CSMD2: variants seen among roughly 807,000 people sequenced by gnomAD.
CSMD2 encodes CUB and Sushi multiple domains 2, also known as CUB and sushi domain-containing protein 2.
CSMD2 carries 130 observed loss-of-function variants against 398.5 expected under a neutral mutation model. The observed-to-expected ratio is 0.33, with a 90% CI of 0.28 to 0.38. CSMD2 has a LOEUF of 0.38. CSMD2 is among the 10% of genes least tolerant of loss of function. The pLI is 1.00. For missense variants in CSMD2, 3,829 were observed against 4,764.9 expected (o/e 0.80, Z 5.78); for synonymous variants, 1,828 against 1,908.5 (o/e 0.96, Z 1.10).
In CSMD2 at chr1:33,743,396, C is replaced by T; in HGVS notation, c.2057G>A (p.Gly686Asp). The change falls in exon 14 of 71, where the codon GGC becomes GAC. Residue 686 changes from glycine (G) to aspartate (D), a missense_variant. Coordinates refer to ENST00000373381, the MANE Select transcript of CSMD2 (RefSeq NM_001281956.2). ...DGATAEAPVL[G>D]TFSGNQLPSS... is the part of the protein sequence containing the mutation. ...GGGAAGCTGGTTTCCTGAGAAGGTGCCCAGGACGGGCGCCTCGGCGGTGGC... is the reference window on the plus strand; with the variant it reads ...GGGAAGCTGGTTTCCTGAGAAGGTGTCCAGGACGGGCGCCTCGGCGGTGGC... 6.2e-7 allele frequency: 1 copy of T among 1,614,168 alleles called. No homozygotes were observed. Among genetic ancestry groups the T allele is most frequent in the Non-Finnish European group, 8.5e-7 (1 of 1,180,024 alleles).
Position 33,955,491 on chromosome 1 carries a change from G to A in CSMD2, c.518-19537C>T, listed in dbSNP as rs573952542. Among the ~76,000 whole-genome samples, 8 of 152,206 alleles carry A rather than the reference G, an allele frequency of 5.3e-5. No individual in the cohort carries two copies. The South Asian group carries it at 1.5e-3, about 28-fold the overall frequency. On this transcript the variant is annotated intron_variant, in intron 3 of 70. Transcript: ENST00000373381. Reference sequence around the variant, plus strand: ...CTTAATTAGTTTCCTCATTTAACCCGGGTCATTACTAGAAAGGCATTCAGG... The same window carrying A: ...CTTAATTAGTTTCCTCATTTAACCCAGGTCATTACTAGAAAGGCATTCAGG...
intron 68 of CSMD2, among the ~76,000 whole-genome samples, chr1:33,521,064 C>T (rs1159356385): frequency 6.6e-6 from 1 of 152,178 alleles, no homozygotes; most frequent in African/African-American, 2.4e-5. Context: ...TAGGGCTGGG[C>T]TAGGGCAGAA....
chr1:34,055,985 T>C (rs1399985621), intron 2 of CSMD2, among the ~76,000 whole-genome samples: 1 of 152,134 alleles, frequency 6.6e-6, no homozygotes, highest in Non-Finnish European at 1.5e-5. Flanking sequence ...ACTTTGGAGA[T>C]TCCAAGGATT....
rs554337966 is a variant in CSMD2 at position 33,791,750 on chromosome 1, A to T, written c.1550+673T>A. On this transcript the variant is annotated intron_variant, in intron 11 of 70. Transcript: ENST00000373381. Reference sequence around the variant, plus strand: ...CAATCCGTCTGCCTTGGCCTGCCAAAGTGCTGGGATTACATCAATACACCA... The same window carrying T: ...CAATCCGTCTGCCTTGGCCTGCCAATGTGCTGGGATTACATCAATACACCA... Among the ~76,000 whole-genome samples the T allele has an allele frequency of 2.6e-5, 4 of 152,304 alleles. No individual in the cohort carries two copies. In the East Asian group the frequency reaches 7.7e-4, roughly 29 times the overall value.
At chr1:33,994,880 A>T (rs993255230) in intron 3 of CSMD2, among the ~76,000 whole-genome samples, 5 of 152,058 alleles carry the variant, frequency 3.3e-5, no homozygotes, top group Admixed American at 1.3e-4. Context: ...CCTGGCCAAC[A>T]CAGTGAAACC....
At chr1:34,120,825 G>A (rs1025061979) in intron 1 of CSMD2, among the ~76,000 whole-genome samples, 5 of 152,134 alleles carry the variant, frequency 3.3e-5, no homozygotes, top group East Asian at 3.9e-4. Context: ...GATTACAGGC[G>A]TGAGGCACCA....
intron 2 of CSMD2, among the ~76,000 whole-genome samples, chr1:34,079,289 G>T (rs930767290): frequency 6.6e-6 from 1 of 152,002 alleles, no homozygotes; most frequent in African/African-American, 2.4e-5. Context: ...AGAAATAAGG[G>T]GTATCCCGAT....
At chr1:33,610,367 G>A (rs1454011477) in intron 41 of CSMD2, among the ~76,000 whole-genome samples, 1 of 152,138 alleles carries the variant, frequency 6.6e-6, no homozygotes, top group Non-Finnish European at 1.5e-5. Flanking sequence ...ATCCAAGGGC[G>A]AGGTTGGGCT....
chr1:33,965,453 A>G (rs528217993), intron 3 of CSMD2, among the ~76,000 whole-genome samples: 1 of 152,274 alleles, frequency 6.6e-6, no homozygotes, highest in African/African-American at 2.4e-5. Flanking sequence ...GACCCTCTCC[A>G]TACTTTCAAG....
At chr1:34,031,631 T>C (rs1487891786) in intron 3 of CSMD2, among the ~76,000 whole-genome samples, 2 of 151,986 alleles carry the variant, frequency 1.3e-5, no homozygotes, top group African/African-American at 2.4e-5. Context: ...GGTTTTTTGC[T>C]AAGGAGGCAG....
intron 1 of CSMD2, among the ~76,000 whole-genome samples, chr1:34,138,524 C>G (rs1638974763): frequency 6.6e-6 from 1 of 152,204 alleles, no homozygotes; most frequent in Admixed American, 6.5e-5. Flanking sequence ...TCTGATGTAA[C>G]AGCTTAACTT....
At chr1:33,567,422 AG>A (rs60551965) in intron 53 of CSMD2, among the ~76,000 whole-genome samples, 170 bp downstream of exon 53, 32,210 of 150,398 alleles carry the variant, frequency 0.21, 3,562 homozygotes, top group South Asian at 0.26. Flanking sequence ...AATGATGCAG[AG>A]AACTGAAAAC....
intron 5 of CSMD2, among the ~76,000 whole-genome samples, chr1:33,888,674 T>C (rs1052346383): frequency 1.3e-5 from 2 of 152,202 alleles, no homozygotes; most frequent in Non-Finnish European, 2.9e-5. Flanking sequence ...ACTATTTCTA[T>C]AATTTCCAAG....
In CSMD2 at chr1:33,589,189, C is replaced by T. The variant is rs76542864; in HGVS notation, c.6857-2021G>A. On this transcript the variant is annotated intron_variant, in intron 44 of 70. Coordinates refer to ENST00000373381, the MANE Select transcript of CSMD2 (RefSeq NM_001281956.2). ...TTGATTTAACATAAGCCTGGGAAGG[C>T]CACGTCCACACTTGCTGCATGCTTC... 5.7e-3 allele frequency among the ~76,000 whole-genome samples: 868 copies of T among 152,298 alleles called. 5 individuals carry two copies. Among genetic ancestry groups the T allele is most frequent in the South Asian group, 0.028 (137 of 4,830 alleles).
At chr1:33,861,813 G>C (rs543965486) in intron 5 of CSMD2, among the ~76,000 whole-genome samples, 69 of 152,278 alleles carry the variant, frequency 4.5e-4, no homozygotes, top group African/African-American at 1.6e-3. Context: ...TGGAAGGAGA[G>C]AGTCATTTAG....
intron 1 of CSMD2, among the ~76,000 whole-genome samples, chr1:34,104,504 G>A (rs1396989667): frequency 6.6e-6 from 1 of 152,234 alleles, no homozygotes; most frequent in Non-Finnish European, 1.5e-5. Flanking sequence ...ATGGCCAGAA[G>A]GCAGTTAGGG....
intron 5 of CSMD2, chr1:33,870,916 C>A (rs1640414928): frequency 6.6e-6 from 1 of 151,068 alleles, no homozygotes; most frequent in Non-Finnish European, 1.5e-5. Context: ...GCTCATGTGG[C>A]AAGGAACAGA....
In CSMD2 at chr1:33,661,195, T is replaced by C. The variant is rs1254668313; in HGVS notation, c.4255+1695A>G. ...AATTTGTCAGCATAATTATGGGCTT[T>C]TTCTTTTCTTTTAAGCCGCACCCAT... On this transcript the variant is annotated intron_variant, in intron 26 of 70. Coordinates refer to ENST00000373381, the MANE Select transcript of CSMD2 (RefSeq NM_001281956.2). 2.0e-5 allele frequency among the ~76,000 whole-genome samples: 3 copies of C among 152,334 alleles called. No individual in the cohort carries two copies. The East Asian group carries it at 5.8e-4, about 29-fold the overall frequency.
chr1:34,106,698 C>T (rs574808930), intron 1 of CSMD2, among the ~76,000 whole-genome samples: 26 of 152,118 alleles, frequency 1.7e-4, no homozygotes, highest in Admixed American at 2.6e-4. Context: ...GGATACAAAA[C>T]GGGTCTCCTT....
Sources: gnomAD v4.1 joint callset for allele counts (sites outside exome capture counted in the v4.1 genomes callset) on GRCh38, gnomAD v4.1.1 for gene constraint, MANE v1.5 for transcripts, NCBI Gene and HGNC (gene_info 2026-07-23, HGNC 2026-07-21) for gene names.